Variants in ZBTB45 observed in about 807,000 individuals in gnomAD.
ZBTB45 encodes the protein zinc finger and BTB domain containing 45.
ZBTB45 carries 22 observed loss-of-function variants against 28.4 expected under a neutral mutation model. That is an observed-to-expected ratio of 0.77 (90% CI 0.55 to 1.10). ZBTB45 has a LOEUF of 1.10. Among genes scored for constraint, ZBTB45 ranks in the 50% least tolerant of loss-of-function variants. ZBTB45 has a pLI of 0.00. For missense variants in ZBTB45, 656 were observed against 750.2 expected, an observed-to-expected ratio of 0.87 and a Z score of 1.47; for synonymous variants, 361 against 332.3, an observed-to-expected ratio of 1.09 and a Z score of -0.94.
chr19:58,536,054 C>A (rs369453475), intron 1 of ZBTB45, among the ~76,000 whole-genome samples: 2 of 152,128 alleles, frequency 1.3e-5, no homozygotes, highest in East Asian at 3.9e-4. Context: ...GTCAGCAGGG[C>A]CATACCCTAG....
chr19:58,514,440 G>A, intron 2 of ZBTB45, 130 bp from the exon 3 acceptor site: 2 of 1,195,234 alleles, frequency 1.7e-6, no homozygotes, highest in Non-Finnish European at 1.1e-6. Context: ...ACCACCCCGG[G>A]ATCCCTTGCC....
Position 58,517,601 on chromosome 19 carries a change from C to T in ZBTB45, c.73G>A (p.Gly25Arg). ...FSRSLLETLNGQRLGGHFCDV... is the reference protein window; with the variant it reads ...FSRSLLETLNRQRLGGHFCDV... ...CAGAAGTGTCCCCCAAGCCTCTGCC[C>T]ATTGAGGGTCTCAAGCAGAGAGCGT... Residue 25 changes from glycine (G) to arginine (R), a missense_variant, in exon 2 of 3, where the codon GGG becomes AGG. This residue lies in a region of ZBTB45 where 105 missense variants were observed against 152.4 expected (regional missense o/e 0.69). Coordinates refer to ENST00000594051, the MANE Select transcript of ZBTB45 (RefSeq NM_001316979.2). 7 of 1,613,922 alleles carry T rather than the reference C, an allele frequency of 4.3e-6. No individual in the cohort carries two copies. Among genetic ancestry groups the T allele is most frequent in the Non-Finnish European group, 5.1e-6 (6 of 1,179,990 alleles).
chr19:58,515,889 A>G lies in ZBTB45; in HGVS notation c.1279+506T>C, dbSNP rs1167360712. ...CAGCTGTGGAGTCCCCACACTACCT[A>G]TGTTTTCCTACTCATGCCCCAGTCT... On this transcript the variant is annotated intron_variant, in intron 2 of 2. Transcript: ENST00000594051. This position sits in a 1 kb window ranked among gnomAD's most constrained non-coding sequence, Gnocchi z 4.7. 6.6e-6 allele frequency among the ~76,000 whole-genome samples: 1 copy of G among 151,702 alleles called. No homozygotes were observed. The highest frequency in any genetic ancestry group is 1.5e-5 in the Non-Finnish European group (1 of 67,926).
In ZBTB45 at chr19:58,517,583, G is replaced by A. The variant is rs1227512515; in HGVS notation, c.91C>T (p.His31Tyr). Residue 31 changes from histidine (H) to tyrosine (Y), a missense_variant, in exon 2 of 3, where the codon CAC becomes TAC. Coordinates refer to ENST00000594051, the MANE Select transcript of ZBTB45 (RefSeq NM_001316979.2). ...ATGCGCACAGTCACGTCACAGAAGTGTCCCCCAAGCCTCTGCCCATTGAGG... is the reference window on the plus strand; with the variant it reads ...ATGCGCACAGTCACGTCACAGAAGTATCCCCCAAGCCTCTGCCCATTGAGG... ...ETLNGQRLGGHFCDVTVRIRE... is the reference protein window; with the variant it reads ...ETLNGQRLGGYFCDVTVRIRE... 5 of 1,613,868 alleles carry A rather than the reference G, an allele frequency of 3.1e-6. No individual in the cohort carries two copies. In the South Asian group the frequency reaches 5.5e-5, roughly 18 times the overall value.
upstream of ZBTB45, among the ~76,000 whole-genome samples, chr19:58,523,282 A>C (rs1445991876): frequency 6.6e-6 from 1 of 151,680 alleles, no homozygotes; most frequent in Admixed American, 6.6e-5. Context: ...TGGCGTCTGT[A>C]ATCTCATAAT....
Position 58,515,733 on chromosome 19 carries a change from C to A in ZBTB45, c.1279+662G>T, listed in dbSNP as rs2053483482. Among the ~76,000 whole-genome samples the A allele has an allele frequency of 1.3e-5, 2 of 152,182 alleles. No homozygotes were observed. Among genetic ancestry groups the A allele is most frequent in the African/African-American group, 4.8e-5 (2 of 41,426 alleles). On this transcript the variant is annotated intron_variant, in intron 2 of 2. Coordinates refer to ENST00000594051, the MANE Select transcript of ZBTB45 (RefSeq NM_001316979.2). The surrounding 1 kb of genome is among the most constrained non-coding windows in gnomAD (Gnocchi z 4.7). ...CCTTTGTCCTCCATCTCAGAGCCCC[C>A]AGGGAGCATCCTCACCACATTCCCC...
At position 58,517,098 on chromosome 19, in the gene ZBTB45, C is replaced by T; in HGVS notation, c.576G>A (p.Gly192=). The change falls in exon 2 of 3, where the codon GGG becomes GGA. Residue 192 remains glycine, a synonymous_variant. Transcript: ENST00000594051. ...PAPPTPAKAE[G]PDADPSLSAA... ...CGGACAGTGAGGGGTCAGCATCAGGCCCCTCAGCCTTGGCAGGTGTTGGGG... is the reference window on the plus strand; with the variant it reads ...CGGACAGTGAGGGGTCAGCATCAGGTCCCTCAGCCTTGGCAGGTGTTGGGG... 1 of 1,613,030 alleles carries T rather than the reference C, an allele frequency of 6.2e-7. No homozygotes were observed. The highest frequency in any genetic ancestry group is 1.3e-5 in the African/African-American group (1 of 75,062).
At chr19:58,526,257 T>G (rs1381531127) in intron 1 of ZBTB45, among the ~76,000 whole-genome samples, 3 of 152,152 alleles carry the variant, frequency 2.0e-5, no homozygotes, top group Non-Finnish European at 4.4e-5. Context: ...TTGTCCAGGC[T>G]GGAGTGCAAT....
chr19:58,514,796 G>GCCCCCCTCGCCTATGCCCAT, intron 2 of ZBTB45, among the ~76,000 whole-genome samples: 3 of 152,000 alleles, frequency 2.0e-5, no homozygotes, highest in Non-Finnish European at 4.4e-5. Context: ...CTGGGTCCTG[G>GCCCCCCTCGCCTATGCCCAT]CCCCCCTCGC....
At chr19:58,518,071 C>T (rs531077821) in intron 1 of ZBTB45, among the ~76,000 whole-genome samples, 14 of 150,680 alleles carry the variant, frequency 9.3e-5, no homozygotes, top group South Asian at 4.3e-4. Context: ...GAGGGCAGCC[C>T]GGTGTGTAGA....
At position 58,516,462 on chromosome 19, in the gene ZBTB45, C is replaced by G. The variant is rs1252172505; in HGVS notation, c.1212G>C (p.Glu404Asp). 4 of 1,613,838 alleles carry G rather than the reference C, an allele frequency of 2.5e-6. No homozygotes were observed. The highest frequency in any genetic ancestry group is 1.7e-5 in the Admixed American group (1 of 59,988). The change falls in exon 2 of 3, where the codon GAG (glutamate) becomes GAC (aspartate). Residue 404 changes from glutamate to aspartate, a missense_variant. Glu to Asp is a conservative substitution (Grantham distance 45). This residue lies in a region of ZBTB45 where 448 missense variants were observed against 444.3 expected (regional missense o/e 1.01). Transcript: ENST00000594051. The surrounding 1 kb of genome is among the most constrained non-coding windows in gnomAD (Gnocchi z 6.2). ...RTPGAEPPTY[E>D]CSHCRKTFSS... is the part of the protein sequence containing the mutation. ...TGAACGTCTTGCGACAGTGGCTGCA[C>G]TCATACGTAGGTGGCTCAGCACCTG...
chr19:58,532,153 A>G (rs867304126), intron 1 of ZBTB45, among the ~76,000 whole-genome samples: 15 of 152,306 alleles, frequency 9.8e-5, no homozygotes, highest in South Asian at 6.2e-4. Flanking sequence ...AGCTCTGAAC[A>G]GTCCCTTCTA....
chr19:58,530,746 C>T (rs1203617155), intron 1 of ZBTB45, among the ~76,000 whole-genome samples: 57 of 150,248 alleles, frequency 3.8e-4, no homozygotes, highest in African/African-American at 1.2e-3. Context: ...TGCAGTGGCG[C>T]GATCTTGGAT....
At chr19:58,535,953 T>C (rs559231991) in intron 1 of ZBTB45, among the ~76,000 whole-genome samples, 63 of 152,220 alleles carry the variant, frequency 4.1e-4, no homozygotes, top group African/African-American at 1.5e-3. Flanking sequence ...AATAACATTC[T>C]GAGTAGAGGC....
Position 58,515,112 on chromosome 19 carries a change from G to A in ZBTB45, c.1280-802C>T, listed in dbSNP as rs562879635. Among the ~76,000 whole-genome samples, 6 of 152,128 alleles carry A rather than the reference G, an allele frequency of 3.9e-5. No homozygotes were observed. The highest frequency in any genetic ancestry group is 2.6e-4 in the Admixed American group (4 of 15,282). On this transcript the variant is annotated intron_variant, in intron 2 of 2. Coordinates refer to ENST00000594051, the MANE Select transcript of ZBTB45 (RefSeq NM_001316979.2). The surrounding 1 kb of genome is among the most constrained non-coding windows in gnomAD (Gnocchi z 4.7). ...GGCCAAGGCAGGCAGATCGCTTGAG[G>A]CCAGGAGTTCGAGACCAACGTGGTG...
chr19:58,524,435 A>ATGTGTATGTGTGTG (rs2053596283), upstream of ZBTB45, among the ~76,000 whole-genome samples: 1 of 138,260 alleles, frequency 7.2e-6, no homozygotes, highest in South Asian at 2.3e-4. Flanking sequence ...GTGTTCATAT[A>ATGTGTATGTGTGTG]TGTGTGTGTG....
At chr19:58,530,209 G>GCACACA (rs111340524) in intron 1 of ZBTB45, among the ~76,000 whole-genome samples, 6,947 of 148,548 alleles carry the variant, frequency 0.047, 455 homozygotes, top group African/African-American at 0.15. Flanking sequence ...GAGAGCGCAT[G>GCACACA]CACACACACA....
chr19:58,514,348 C>T, intron 2 of ZBTB45, 38 bp from the exon 3 acceptor site: 1 of 1,538,570 alleles, frequency 6.5e-7, no homozygotes, highest in Non-Finnish European at 8.8e-7. Context: ...GCAAGTCAGA[C>T]TCTACAGCTC....
intron 1 of ZBTB45, among the ~76,000 whole-genome samples, chr19:58,530,373 T>C (rs1025796074): frequency 6.6e-6 from 1 of 152,084 alleles, no homozygotes; most frequent in African/African-American, 2.4e-5. Context: ...AATGGCATGA[T>C]CTCGGCTCAC....
Sources: allele counts gnomAD v4.1 joint callset (sites outside exome capture counted in the v4.1 genomes callset), GRCh38; gene constraint gnomAD v4.1.1; regional missense constraint gnomAD v4.1.1; non-coding constraint Gnocchi (gnomAD v3.1); transcripts MANE v1.5; gene names NCBI Gene and HGNC (gene_info 2026-07-23, HGNC 2026-07-21).